The following CRACR2A variants were observed in gnomAD, a reference collection of about 807,000 sequenced individuals.
CRACR2A encodes EF-hand calcium-binding domain-containing protein 4B.
Under a neutral mutation model 90.5 loss-of-function variants are expected in CRACR2A, and 79 were observed. The observed-to-expected ratio is 0.87, with a 90% CI of 0.73 to 1.05. CRACR2A has a LOEUF of 1.05. Ranked by LOEUF, CRACR2A falls within the 50% of genes least tolerant of loss-of-function variation. The pLI is 0.00. For synonymous variants in CRACR2A, 338 were observed against 356.7 expected (o/e 0.95, Z 0.59); for missense variants, 823 against 897.2 (o/e 0.92, Z 1.06).
chr12:3,707,442 T>A (rs1453046116), intron 3 of CRACR2A, among the ~76,000 whole-genome samples: 1 of 152,256 alleles, frequency 6.6e-6, no homozygotes, highest in African/African-American at 2.4e-5. Context: ...CTGTTCACCC[T>A]AATTCCTTCA....
chr12:3,619,181 G>T, intron 18 of CRACR2A, 90 bp downstream of exon 18: 2 of 1,039,760 alleles, frequency 1.9e-6, no homozygotes, highest in Non-Finnish European at 1.4e-6. Flanking sequence ...GGCACTTCCA[G>T]AGAAAGTCCC....
intron 3 of CRACR2A, among the ~76,000 whole-genome samples, chr12:3,700,849 C>T (rs1428201439): frequency 6.6e-6 from 1 of 152,172 alleles, no homozygotes; most frequent in Non-Finnish European, 1.5e-5. Context: ...TGAATACTAT[C>T]AACCATCTTG....
intron 19 of CRACR2A, among the ~76,000 whole-genome samples, chr12:3,615,966 A>T (rs1364888181): frequency 6.6e-6 from 1 of 152,276 alleles, no homozygotes. Flanking sequence ...GAGGTGAGGA[A>T]TTAAAAATAA....
intron 7 of CRACR2A, among the ~76,000 whole-genome samples, chr12:3,665,836 T>C (rs1201147876): frequency 6.6e-6 from 1 of 152,144 alleles, no homozygotes; most frequent in Non-Finnish European, 1.5e-5. Flanking sequence ...CATTGAAAAG[T>C]GTTGATGAAG....
chr12:3,671,484 C>CCACTTCCAAA (rs1945241291), intron 7 of CRACR2A, among the ~76,000 whole-genome samples: 1 of 152,114 alleles, frequency 6.6e-6, no homozygotes, highest in Non-Finnish European at 1.5e-5. Flanking sequence ...CTCCTGATTC[C>CCACTTCCAAA]GAGCCTCCCA....
chr12:3,752,696 GT>G, intron 1 of CRACR2A: 1 of 153,342 alleles, frequency 6.5e-6, no homozygotes, highest in Non-Finnish European at 1.5e-5. Context: ...CTGAGCCTCA[GT>G]TTCCTCATCT....
intron 12 of CRACR2A, among the ~76,000 whole-genome samples, chr12:3,642,400 A>C (rs1473697419): frequency 6.6e-6 from 1 of 152,042 alleles, no homozygotes; most frequent in Non-Finnish European, 1.5e-5. Context: ...TTTTTTGTGG[A>C]GATGGACTCT....
At chr12:3,672,922 G>T (rs962026552) in intron 7 of CRACR2A, 15 of 425,404 alleles carry the variant, frequency 3.5e-5, no homozygotes, top group African/African-American at 4.3e-5. Context: ...CAGGGCTATA[G>T]GTCACCTTAC....
At chr12:3,659,520 T>C in intron 8 of CRACR2A, 44 bp downstream of exon 8, 2 of 1,567,060 alleles carry the variant, frequency 1.3e-6, no homozygotes, top group South Asian at 2.2e-5. Context: ...AGAGCAGATA[T>C]GTCAAGCTGG....
intron 3 of CRACR2A, among the ~76,000 whole-genome samples, chr12:3,704,951 A>G (rs1945893276): frequency 6.6e-6 from 1 of 152,220 alleles, no homozygotes; most frequent in Non-Finnish European, 1.5e-5. Context: ...TGGAAAACAA[A>G]ACAGCAGAAG....
chr12:3,639,413 T>C (rs1944518087), intron 13 of CRACR2A, among the ~76,000 whole-genome samples: 1 of 141,622 alleles, frequency 7.1e-6, no homozygotes, highest in East Asian at 2.1e-4. Context: ...ACAGAAATTG[T>C]CTTAAAGGAA....
rs114947970 is a variant in CRACR2A at position 3,736,351 on chromosome 12, G to A, written c.-386-3141C>T. Among the ~76,000 whole-genome samples the A allele has an allele frequency of 8.0e-3, 1,221 of 151,774 alleles. 19 individuals carry two copies. The highest frequency in any genetic ancestry group is 0.028 in the African/African-American group (1,153 of 41,332). ...CATGACATCTAGCTTCAGAGGTTAG[G>A]TAGATGGGTGACATTATTTAGCCAG... On this transcript the variant is annotated intron_variant, in intron 1 of 19. Coordinates refer to ENST00000440314, the MANE Select transcript of CRACR2A (RefSeq NM_001144958.2).
intron 10 of CRACR2A, among the ~76,000 whole-genome samples, chr12:3,651,664 C>A (rs982595134): frequency 3.3e-5 from 5 of 152,138 alleles, no homozygotes; most frequent in East Asian, 1.9e-4. Context: ...AGTGACTAAG[C>A]CTGTTTACCT....
chr12:3,633,620 G>C lies in CRACR2A; in HGVS notation c.1719C>G (p.Gly573=). Reference sequence around the variant, plus strand: ...AGAACTCACCCACAGTGGCCGCCATGCCTGGGGAGAACCGGTCCTCACAGA... The same window carrying C: ...AGAACTCACCCACAGTGGCCGCCATCCCTGGGGAGAACCGGTCCTCACAGA... ...RRFCEDRFSP[G]MAATVGIDYR... The change falls in exon 15 of 20, where the codon GGC becomes GGG. Residue 573 remains glycine (G), a synonymous_variant. Coordinates refer to ENST00000440314, the MANE Select transcript of CRACR2A (RefSeq NM_001144958.2). This position sits in a 1 kb window ranked among gnomAD's most constrained non-coding sequence, Gnocchi z 4.5. The C allele has an allele frequency of 6.4e-7, 1 of 1,551,710 alleles. No individual in the cohort carries two copies. Among genetic ancestry groups the C allele is most frequent in the Non-Finnish European group, 8.7e-7 (1 of 1,146,996 alleles).
intron 18 of CRACR2A, among the ~76,000 whole-genome samples, chr12:3,618,156 T>C (rs189813435): frequency 5.0e-4 from 74 of 148,208 alleles, no homozygotes; most frequent in African/African-American, 1.9e-3. Flanking sequence ...GAGTCTTAGT[T>C]TTTTTTTCAC....
intron 2 of CRACR2A, among the ~76,000 whole-genome samples, chr12:3,724,640 T>C (rs867585603): frequency 5.9e-5 from 9 of 152,222 alleles, no homozygotes; most frequent in Admixed American, 6.5e-5. Context: ...TCTAAGACAT[T>C]GGCAGGGCCA....
chr12:3,696,984 C>G lies in CRACR2A; in HGVS notation c.16G>C (p.Gly6Arg), dbSNP rs768277859. 6.2e-7 allele frequency: 1 copy of G among 1,612,500 alleles called. No individual in the cohort carries two copies. Among genetic ancestry groups the G allele is most frequent in the South Asian group, 1.1e-5 (1 of 90,878 alleles). The change falls in exon 4 of 20, where the codon GGG becomes CGG. Residue 6 changes from glycine (G) to arginine (R), a missense_variant. Physicochemically the swap from Gly to Arg is moderately radical, Grantham distance 125. Coordinates refer to ENST00000440314, the MANE Select transcript of CRACR2A (RefSeq NM_001144958.2). MAAPD[G>R]RVVSRPQRLG... is the part of the protein sequence containing the mutation. The stretch of plus-strand genomic sequence containing the variant: ...CTCTGGGGTCTGGAGACTACCCTCC[C>G]GTCAGGGGCAGCCATCGCGATTAGT...
chr12:3,719,466 A>T (rs965885337), intron 2 of CRACR2A, among the ~76,000 whole-genome samples: 16 of 152,190 alleles, frequency 1.1e-4, no homozygotes, highest in African/African-American at 3.6e-4. Flanking sequence ...AGCCCTGCAT[A>T]GTTCCCCTCC....
intron 5 of CRACR2A, among the ~76,000 whole-genome samples, chr12:3,680,018 T>C (rs1031706941): frequency 1.1e-4 from 17 of 152,176 alleles, no homozygotes; most frequent in African/African-American, 3.9e-4. Flanking sequence ...GTAATGGCAG[T>C]GCAGTGGGCA....
Sources: gnomAD v4.1 joint callset for allele counts (sites outside exome capture counted in the v4.1 genomes callset) on GRCh38, gnomAD v4.1.1 for gene constraint, Gnocchi (gnomAD v3.1) non-coding constraint, MANE v1.5 for transcripts, NCBI Gene and HGNC (gene_info 2026-07-23, HGNC 2026-07-21) for gene names.